The following KDM4C variants were observed in gnomAD, a reference collection of about 807,000 sequenced individuals.
The protein encoded by KDM4C is lysine-specific demethylase 4C.
Under a neutral mutation model 129.3 loss-of-function variants are expected in KDM4C, and 81 were observed. That is an observed-to-expected ratio of 0.63 (90% confidence interval 0.52 to 0.75). The LOEUF (loss-of-function observed/expected upper bound fraction) is 0.75, where lower values mean the gene tolerates loss of function less well. KDM4C is among the 30% of genes least tolerant of loss of function. KDM4C has a pLI of 0.00. For missense variants in KDM4C, 1,457 were observed against 1,304.0 expected (o/e 1.12, Z -1.81); for synonymous variants, 573 against 456.1 (o/e 1.26, Z -3.26).
In KDM4C at chr9:7,077,060, T is replaced by C. The variant is rs538201661; in HGVS notation, c.2425-26625T>C. Reference sequence around the variant, plus strand: ...AAAGCAACTGAACGTATTTTGAGTTTAGGTGAAAACTATCACTCATTCATC... The same window carrying C: ...AAAGCAACTGAACGTATTTTGAGTTCAGGTGAAAACTATCACTCATTCATC... On this transcript the variant is annotated intron_variant, in intron 17 of 21. Transcript: ENST00000381309. The C allele has an allele frequency of 1.3e-4, 127 of 985,530 alleles. No individual in the cohort carries two copies. In the African/African-American group the frequency reaches 2.0e-3, roughly 16 times the overall value. The allele number at this position is 985,530 out of a possible 1,614,324, so 61.0% of individuals were successfully genotyped here.
At chr9:7,055,888 G>A (rs1830800861) in intron 17 of KDM4C, among the ~76,000 whole-genome samples, 1 of 152,182 alleles carries the variant, frequency 6.6e-6, no homozygotes, top group South Asian at 2.1e-4. Context: ...AAGAATCAAG[G>A]TTGTATTTGA....
chr9:7,136,131 T>C (rs117625541), intron 19 of KDM4C, among the ~76,000 whole-genome samples: 1,628 of 152,338 alleles, frequency 0.011, 19 homozygotes, highest in South Asian at 0.061. Flanking sequence ...GTATTCTAGA[T>C]ACAAGTCCTT....
chr9:7,032,673 A>T (rs1047474661), intron 15 of KDM4C, among the ~76,000 whole-genome samples: 1 of 152,186 alleles, frequency 6.6e-6, no homozygotes, highest in African/African-American at 2.4e-5. Flanking sequence ...TTTGCCCAGG[A>T]TCACTCTTGT....
chr9:6,824,210 T>C (rs1295717495), intron 4 of KDM4C, among the ~76,000 whole-genome samples: 1 of 152,254 alleles, frequency 6.6e-6, no homozygotes, highest in East Asian at 1.9e-4. Flanking sequence ...TTGTGGTATT[T>C]CTTTTCGTGG....
chr9:7,130,755 T>G (rs1009300654), intron 19 of KDM4C, among the ~76,000 whole-genome samples: 4 of 151,834 alleles, frequency 2.6e-5, no homozygotes, highest in African/African-American at 9.7e-5. Context: ...TAGTAATGTC[T>G]TTTTTTTCTT....
chr9:7,048,200 A>G (rs1277763165), intron 16 of KDM4C, among the ~76,000 whole-genome samples: 3 of 152,024 alleles, frequency 2.0e-5, no homozygotes, highest in Non-Finnish European at 4.4e-5. Context: ...TTCTCTTCCT[A>G]TGCTTGGACC....
At chr9:6,822,725 A>T (rs12004086) in intron 4 of KDM4C, among the ~76,000 whole-genome samples, 22 of 152,314 alleles carry the variant, frequency 1.4e-4, no homozygotes, top group African/African-American at 5.0e-4. Context: ...GAAACAAAAC[A>T]AACACACAAA....
chr9:6,984,885 A>C (rs1390252267), intron 10 of KDM4C, among the ~76,000 whole-genome samples: 1 of 152,206 alleles, frequency 6.6e-6, no homozygotes, highest in African/African-American at 2.4e-5. Flanking sequence ...TTTGTACTAA[A>C]GCCATTGTCT....
At chr9:7,005,699 C>A (rs1199201183) in intron 12 of KDM4C, among the ~76,000 whole-genome samples, 1 of 152,182 alleles carries the variant, frequency 6.6e-6, no homozygotes, top group Admixed American at 6.5e-5. Context: ...GAAGGATCAT[C>A]ATGTCCTGAA....
At chr9:6,919,545 GTCTATCTA>G (rs1029513535) in intron 8 of KDM4C, among the ~76,000 whole-genome samples, 74 of 79,460 alleles carry the variant, frequency 9.3e-4, no homozygotes, top group Middle Eastern at 6.8e-3. Flanking sequence ...CTGTCTGTCT[GTCTATCTA>G]TCTATCTATC....
At position 7,148,601 on chromosome 9, in the gene KDM4C, G is replaced by A. The variant is rs568410671; in HGVS notation, c.2782-16637G>A. On this transcript the variant is annotated intron_variant, in intron 19 of 21. Coordinates refer to ENST00000381309, the MANE Select transcript of KDM4C (RefSeq NM_015061.6). Reference sequence around the variant, plus strand: ...ACAGCTTGGTGAGGCAGCCAGGAACGTGTTACAACCCATTTCACTCCCACC... The same window carrying A: ...ACAGCTTGGTGAGGCAGCCAGGAACATGTTACAACCCATTTCACTCCCACC... Among the ~76,000 whole-genome samples the A allele has an allele frequency of 6.2e-4, 95 of 152,324 alleles. 1 individual carries two copies. In the South Asian group the frequency reaches 0.019, roughly 30 times the overall value.
Position 6,774,181 on chromosome 9 carries a change from C to T in KDM4C, c.-18+15978C>T, listed in dbSNP as rs528144584. ...GGGATTACAGGTGTGAGCCACCGTG[C>T]CTGGCCACCCTAGACATTGAAATTA... On this transcript the variant is annotated intron_variant, in intron 1 of 21. Coordinates refer to ENST00000381309, the MANE Select transcript of KDM4C (RefSeq NM_015061.6). Among the ~76,000 whole-genome samples, 3 of 152,180 alleles carry T rather than the reference C, an allele frequency of 2.0e-5. No individual in the cohort carries two copies. The East Asian group carries it at 5.8e-4, about 30-fold the overall frequency.
intron 17 of KDM4C, among the ~76,000 whole-genome samples, chr9:7,073,911 C>T (rs1207941085): frequency 1.3e-5 from 2 of 152,126 alleles, no homozygotes; most frequent in Non-Finnish European, 2.9e-5. Flanking sequence ...CTAATAAACT[C>T]CACTTGTGGC....
intron 12 of KDM4C, among the ~76,000 whole-genome samples, chr9:7,003,921 C>A (rs1027571658): frequency 6.6e-6 from 1 of 152,180 alleles, no homozygotes; most frequent in Non-Finnish European, 1.5e-5. Flanking sequence ...CTACACCCCC[C>A]ATTCCCTGCA....
At position 6,986,487 on chromosome 9, in the gene KDM4C, T is replaced by A; in HGVS notation, c.1498T>A (p.Ser500Thr). The A allele has an allele frequency of 6.2e-7, 1 of 1,614,082 alleles. No individual in the cohort carries two copies. The highest frequency in any genetic ancestry group is 1.1e-5 in the South Asian group (1 of 91,080). The change falls in exon 11 of 22, where the codon TCA becomes ACA. Residue 500 changes from serine to threonine, a missense_variant. Coordinates refer to ENST00000381309, the MANE Select transcript of KDM4C (RefSeq NM_015061.6). ...LSSGYEKPEK[S>T]DPSELSWPKS... is the part of the protein sequence containing the mutation. ...TAGTGGCTATGAGAAGCCCGAGAAA[T>A]CAGACCCATCCGAGCTTTCATGGCC...
intron 8 of KDM4C, among the ~76,000 whole-genome samples, chr9:6,953,421 A>G (rs904133939): frequency 3.0e-4 from 46 of 152,250 alleles, no homozygotes; most frequent in African/African-American, 1.1e-3. Context: ...TTTATTTTCA[A>G]AAGAAACATT....
intron 4 of KDM4C, among the ~76,000 whole-genome samples, chr9:6,843,122 T>C (rs1837269619): frequency 1.3e-5 from 2 of 152,064 alleles, no homozygotes. Flanking sequence ...AGAGATGGGG[T>C]TTCACCATAT....
At chr9:6,991,603 G>A (rs941563468) in intron 12 of KDM4C, among the ~76,000 whole-genome samples, 1 of 152,144 alleles carries the variant, frequency 6.6e-6, no homozygotes, top group African/African-American at 2.4e-5. Context: ...AAGGTCATGT[G>A]TCTGTGAGAA....
intron 1 of KDM4C, among the ~76,000 whole-genome samples, chr9:6,737,670 A>G (rs1166228049): frequency 6.6e-6 from 1 of 150,754 alleles, no homozygotes; most frequent in Non-Finnish European, 1.5e-5. Flanking sequence ...ATCTCAAAAA[A>G]AAAAAAAAAA....
Sources: allele counts gnomAD v4.1 joint callset (sites outside exome capture counted in the v4.1 genomes callset), GRCh38; gene constraint gnomAD v4.1.1; transcripts MANE v1.5; gene names NCBI Gene and HGNC (gene_info 2026-07-23, HGNC 2026-07-21).